The following BEND6 variants were observed in gnomAD, a reference collection of about 807,000 sequenced individuals.
BEND6 encodes the protein BEN domain containing 6.
A neutral mutation model predicts 31.8 loss-of-function variants in BEND6; 24 were observed. The ratio of observed to expected loss-of-function variants is 0.75; its 90% CI spans 0.55 to 1.06. The LOEUF (loss-of-function observed/expected upper bound fraction) is 1.06, where lower values mean the gene tolerates loss of function less well. BEND6 is among the 50% of genes least tolerant of loss of function. BEND6 has a pLI of 0.00. For missense variants in BEND6, 294 were observed against 327.4 expected, an observed-to-expected ratio of 0.90 and a Z score of 0.79; for synonymous variants, 109 against 114.6, an observed-to-expected ratio of 0.95 and a Z score of 0.31.
At chr6:56,959,075 A>G (rs1274244817) in intron 1 of BEND6, among the ~76,000 whole-genome samples, 2 of 152,186 alleles carry the variant, frequency 1.3e-5, no homozygotes, top group Non-Finnish European at 2.9e-5. Context: ...AATTTGGGAG[A>G]TGGAGCCAGA....
chr6:56,999,113 T>C (rs1826832752), intron 3 of BEND6, among the ~76,000 whole-genome samples: 1 of 151,370 alleles, frequency 6.6e-6, no homozygotes, highest in South Asian at 2.1e-4. Context: ...CCTGAGTTGC[T>C]CCCCACCCTT....
intron 1 of BEND6, among the ~76,000 whole-genome samples, chr6:56,957,550 A>G (rs915655968): frequency 3.9e-4 from 59 of 152,254 alleles, no homozygotes; most frequent in African/African-American, 1.3e-3. Context: ...TTAATTTAGT[A>G]GAAATTATAC....
rs774268376 is a variant in BEND6 at position 56,981,756 on chromosome 6, A to T, written c.-55A>T. On this transcript the variant is annotated 5_prime_UTR_variant, in exon 2 of 7. An upstream start codon of the reference 5' UTR is lost. Coordinates refer to ENST00000370746, the MANE Select transcript of BEND6 (RefSeq NM_152731.3). ...CTACGTCCAGAATAGCATCATCTTC[A>T]TGGGTATTCCCTACTCCTAGGATTT... 1.1e-5 allele frequency: 18 copies of T among 1,591,238 alleles called. No individual in the cohort carries two copies. The highest frequency in any genetic ancestry group is 1.5e-5 in the Non-Finnish European group (17 of 1,169,170).
chr6:56,992,780 C>G (rs1826557227), intron 3 of BEND6, among the ~76,000 whole-genome samples: 1 of 152,094 alleles, frequency 6.6e-6, no homozygotes, highest in Non-Finnish European at 1.5e-5. Context: ...CTACAAAATA[C>G]TAAATATTAT....
At position 56,975,877 on chromosome 6, in the gene BEND6, A is replaced by AAC. The variant is rs141527610; in HGVS notation, c.-100-5831_-100-5830dup. 2.4e-3 allele frequency: 1,284 copies of AAC among 528,726 alleles called. 12 individuals carry two copies. The highest frequency in any genetic ancestry group is 0.023 in the African/African-American group (1,181 of 51,878). The allele number at this position is 528,726 out of a possible 1,614,324, so 32.8% of individuals were successfully genotyped here. On this transcript the variant is annotated intron_variant, in intron 1 of 6. Transcript: ENST00000370746. ...GCCTATGTTCATCAGTCATAGAGCC[A>AAC]ACACTTGCAGGTTCAACAATAACAT...
At chr6:56,994,419 C>G (rs933723825) in intron 3 of BEND6, among the ~76,000 whole-genome samples, 1 of 134,208 alleles carries the variant, frequency 7.5e-6, no homozygotes, top group Non-Finnish European at 1.5e-5. Context: ...GATCGTGCCC[C>G]TGCACTCCAG....
chr6:57,016,941 A>G (rs1279184959), intron 4 of BEND6, among the ~76,000 whole-genome samples: 3 of 152,186 alleles, frequency 2.0e-5, no homozygotes, highest in Non-Finnish European at 4.4e-5. Context: ...GACCAAATCC[A>G]GTTTACATGA....
At chr6:57,007,412 C>T (rs534329197) in intron 3 of BEND6, among the ~76,000 whole-genome samples, 1 of 118,916 alleles carries the variant, frequency 8.4e-6, no homozygotes, top group African/African-American at 2.6e-5. Flanking sequence ...AAATTTAAGA[C>T]CCCAAACAAT....
At chr6:56,970,589 T>C (rs540734388) in intron 1 of BEND6, among the ~76,000 whole-genome samples, 22 of 152,298 alleles carry the variant, frequency 1.4e-4, no homozygotes, top group African/African-American at 5.3e-4. Flanking sequence ...ATAAATAAAT[T>C]GGGGGCAGAT....
intron 3 of BEND6, among the ~76,000 whole-genome samples, chr6:57,011,305 T>A (rs542789543): frequency 6.6e-6 from 1 of 152,272 alleles, no homozygotes; most frequent in South Asian, 2.1e-4. Flanking sequence ...AATTCAGCAA[T>A]ATGAATTGAA....
intron 1 of BEND6, among the ~76,000 whole-genome samples, chr6:56,969,014 G>A (rs1288113887): frequency 6.6e-6 from 1 of 151,788 alleles, no homozygotes; most frequent in African/African-American, 2.4e-5. Context: ...GGCGGAGGTT[G>A]TGTGAGCAGA....
rs1253928289 is a variant in BEND6 at position 56,963,226 on chromosome 6, C to G, written c.-101+7766C>G. On this transcript the variant is annotated intron_variant, in intron 1 of 6. Coordinates refer to ENST00000370746, the MANE Select transcript of BEND6 (RefSeq NM_152731.3). The stretch of plus-strand genomic sequence containing the variant: ...AGTTGGAGCTTGCTGAGCAGCTACT[C>G]TTCCTCTCTTCTGACTCTCCTTAGG... 2.0e-5 allele frequency among the ~76,000 whole-genome samples: 3 copies of G among 152,290 alleles called. No homozygotes were observed. In the East Asian group the frequency reaches 5.8e-4, roughly 29 times the overall value.
At chr6:57,010,794 A>G (rs1253610425) in intron 3 of BEND6, 1 of 832,296 alleles carries the variant, frequency 1.2e-6, no homozygotes, top group African/African-American at 1.8e-5. Context: ...GAGTAAGTAT[A>G]AAATAAATGG....
At chr6:57,001,870 G>T (rs76238912) in intron 3 of BEND6, among the ~76,000 whole-genome samples, 2,213 of 152,228 alleles carry the variant, frequency 0.015, 53 homozygotes, top group African/African-American at 0.05. Flanking sequence ...CTTTACAATA[G>T]GATCAAAACT....
intron 1 of BEND6, among the ~76,000 whole-genome samples, chr6:56,974,399 A>G (rs1181564759): frequency 6.6e-6 from 1 of 152,240 alleles, no homozygotes; most frequent in Non-Finnish European, 1.5e-5. Context: ...TAAGGTAAGA[A>G]TGTTTTTTAC....
chr6:56,965,746 G>T (rs1316783632), intron 1 of BEND6, among the ~76,000 whole-genome samples: 1 of 148,632 alleles, frequency 6.7e-6, no homozygotes, highest in Non-Finnish European at 1.5e-5. Context: ...ATTTCAAAAA[G>T]AAATGATCTC....
chr6:56,993,322 A>T (rs1036435106), intron 3 of BEND6, among the ~76,000 whole-genome samples: 4 of 152,192 alleles, frequency 2.6e-5, no homozygotes, highest in Admixed American at 2.0e-4. Context: ...CAGTTGTAAA[A>T]CAGTAAATAC....
rs1206944153 is a variant in BEND6, at chr6:56,992,548, G to A, written c.291G>A (p.Met97Ile). 2 of 1,607,704 alleles carry A rather than the reference G, an allele frequency of 1.2e-6. No homozygotes were observed. Among genetic ancestry groups the A allele is most frequent in the Non-Finnish European group, 1.7e-6 (2 of 1,178,490 alleles). The change falls in exon 3 of 7, where the codon ATG becomes ATA. Residue 97 changes from methionine (M) to isoleucine (I), a missense_variant. Transcript: ENST00000370746. ...ENSRLRQSLV[M>I]LQVLPQAVTQ... ...GCCGACTTCGACAGTCTTTGGTCAT[G>A]CTTCAAGGTAAACTTTGAGAAAATT...
At chr6:56,973,484 A>G (rs878934862) in intron 1 of BEND6, among the ~76,000 whole-genome samples, 2 of 152,216 alleles carry the variant, frequency 1.3e-5, no homozygotes, top group African/African-American at 2.4e-5. Context: ...TTTATTAATT[A>G]GGCACAGTAA....
Sources: gnomAD v4.1 joint callset for allele counts (sites outside exome capture counted in the v4.1 genomes callset) on GRCh38, gnomAD v4.1.1 for gene constraint, MANE v1.5 for transcripts, NCBI Gene and HGNC (gene_info 2026-07-23, HGNC 2026-07-21) for gene names.